Variants in STX7 observed in about 807,000 individuals in gnomAD.
The protein encoded by STX7 is syntaxin 7, also known as syntaxin-7.
In STX7, 34 loss-of-function variants were observed where a neutral mutation model predicts 39.6. The observed-to-expected ratio is 0.86, with a 90% CI of 0.65 to 1.14. The LOEUF is 1.14. Ranked by LOEUF, STX7 falls within the 50% of genes most tolerant of loss-of-function variation. The pLI is 0.00. For missense variants in STX7, 284 were observed against 310.4 expected (o/e 0.92, Z 0.64); for synonymous variants, 119 against 99.1 (o/e 1.20, Z -1.19).
At chr6:132,509,504 T>TAACAC (rs1775793722) in intron 1 of STX7, among the ~76,000 whole-genome samples, 1 of 111,486 alleles carries the variant, frequency 9.0e-6, no homozygotes, top group South Asian at 3.3e-4. Context: ...TAACATAACA[T>TAACAC]AACATAACAT....
intron 3 of STX7, among the ~76,000 whole-genome samples, chr6:132,472,689 T>C (rs1331893847): frequency 6.6e-6 from 1 of 152,220 alleles, no homozygotes; most frequent in African/African-American, 2.4e-5. Flanking sequence ...TGATCCTTTA[T>C]GTTTGAGATA....
At chr6:132,492,399 C>T (rs1775313611) in intron 2 of STX7, among the ~76,000 whole-genome samples, 1 of 152,178 alleles carries the variant, frequency 6.6e-6, no homozygotes, top group Admixed American at 6.5e-5. Flanking sequence ...TAACATATGA[C>T]ATAATTTACT....
chr6:132,473,375 T>A (rs1340349356), intron 3 of STX7, among the ~76,000 whole-genome samples: 1 of 152,146 alleles, frequency 6.6e-6, no homozygotes, highest in Non-Finnish European at 1.5e-5. Flanking sequence ...TATAAAAAGG[T>A]ATAGCATTTG....
chr6:132,493,392 C>A (rs1285294885), intron 2 of STX7, among the ~76,000 whole-genome samples: 1 of 152,162 alleles, frequency 6.6e-6, no homozygotes, highest in Non-Finnish European at 1.5e-5. Context: ...GCTCCCACAA[C>A]TCCCACATGT....
intron 3 of STX7, 73 bp from the exon 4 acceptor site, chr6:132,472,448 T>A: frequency 8.7e-7 from 1 of 1,145,580 alleles, no homozygotes; most frequent in Non-Finnish European, 1.2e-6. Flanking sequence ...GCCTTTTGAA[T>A]CAACACTGAT....
chr6:132,509,473 A>C (rs1273335890), intron 1 of STX7, among the ~76,000 whole-genome samples: 1,552 of 70,238 alleles, frequency 0.022, 79 homozygotes, highest in Admixed American at 0.053. Context: ...ATAACATAAC[A>C]TAACATAACA....
In STX7 at chr6:132,463,277, A is replaced by G. The variant is rs530334052; in HGVS notation, c.693+716T>C. 8.5e-5 allele frequency among the ~76,000 whole-genome samples: 13 copies of G among 152,314 alleles called. No homozygotes were observed. In the East Asian group the frequency reaches 2.3e-3, roughly 27 times the overall value. On this transcript the variant is annotated intron_variant, in intron 9 of 9. Coordinates refer to ENST00000367941, the MANE Select transcript of STX7 (RefSeq NM_003569.3). The stretch of plus-strand genomic sequence containing the variant: ...TAGCAACAAAGGAATGGAGTTTTAA[A>G]AAGGAAATCAAATGCTACATGGTAT...
chr6:132,498,366 T>C (rs911717333), intron 2 of STX7, among the ~76,000 whole-genome samples: 1 of 152,160 alleles, frequency 6.6e-6, no homozygotes. Context: ...AGACTGCAGA[T>C]GGTCTTAAAC....
At chr6:132,480,393 T>C (rs1015704702) in intron 2 of STX7, among the ~76,000 whole-genome samples, 1 of 152,114 alleles carries the variant, frequency 6.6e-6, no homozygotes, top group Admixed American at 6.6e-5. Context: ...AGAAAGAAAC[T>C]TGGATTTGGG....
intron 1 of STX7, among the ~76,000 whole-genome samples, chr6:132,506,654 A>G (rs982375726): frequency 4.6e-5 from 7 of 152,232 alleles, no homozygotes. Flanking sequence ...GTTGGCAAGA[A>G]TGCAGAGAAA....
At chr6:132,473,619 T>C (rs988760876) in intron 3 of STX7, among the ~76,000 whole-genome samples, 2 of 151,520 alleles carry the variant, frequency 1.3e-5, no homozygotes, top group Non-Finnish European at 2.9e-5. Context: ...CCATATTTTA[T>C]CTAGCTATCT....
intron 1 of STX7, among the ~76,000 whole-genome samples, chr6:132,511,323 T>C (rs976330561): frequency 6.6e-6 from 1 of 152,172 alleles, no homozygotes; most frequent in South Asian, 2.1e-4. Context: ...TAGAAGGCTC[T>C]TCCCATGATC....
Position 132,464,052 on chromosome 6 carries a change from T to C in STX7, c.634A>G (p.Asn212Asp). Residue 212 changes from asparagine (N) to aspartate (D), a missense_variant, in exon 9 of 10, where the codon AAT (asparagine) becomes GAT (aspartate). Physicochemically the swap from Asn to Asp is conservative, Grantham distance 23. Transcript: ENST00000367941. Reference protein sequence around the residue: ...VIDSIEANVENAEVHVQQANQ... With the variant: ...VIDSIEANVEDAEVHVQQANQ... Reference sequence around the variant, plus strand: ...GCTTGCTGAACGTGCACCTCTGCATTTTCCACATTGGCTTCTATGCTATCT... The same window carrying C: ...GCTTGCTGAACGTGCACCTCTGCATCTTCCACATTGGCTTCTATGCTATCT... The C allele has an allele frequency of 6.2e-7, 1 of 1,614,114 alleles. No homozygotes were observed.
At chr6:132,481,145 C>T (rs564500761) in intron 2 of STX7, among the ~76,000 whole-genome samples, 4 of 152,168 alleles carry the variant, frequency 2.6e-5, no homozygotes, top group East Asian at 1.9e-4. Flanking sequence ...CAGTGTGTCA[C>T]GCAGGAGCTT....
intron 2 of STX7, among the ~76,000 whole-genome samples, chr6:132,490,965 G>GCAGCACAGCACAGCACAGCACAGCA (rs71545037): frequency 0.014 from 1,798 of 127,550 alleles, 47 homozygotes; most frequent in Middle Eastern, 0.035. Flanking sequence ...GTCCCTCAGT[G>GCAGCACAGCACAGCACAGCACAGCA]CAGCACAGCA....
chr6:132,505,070 G>A (rs1374798340), intron 1 of STX7, among the ~76,000 whole-genome samples: 3 of 152,158 alleles, frequency 2.0e-5, no homozygotes, highest in East Asian at 1.9e-4. Context: ...GCACATCTGC[G>A]ACACAAAAAG....
intron 9 of STX7, 99 bp from the exon 10 acceptor site, chr6:132,460,949 T>A: frequency 9.9e-7 from 1 of 1,010,888 alleles, no homozygotes. Context: ...ATTTCTAGAG[T>A]AAAATCAGTA....
chr6:132,509,609 T>C (rs944206209), intron 1 of STX7, among the ~76,000 whole-genome samples: 1 of 152,158 alleles, frequency 6.6e-6, no homozygotes, highest in African/African-American at 2.4e-5. Flanking sequence ...TGAAGGAATA[T>C]GTTTGGGATA....
intron 2 of STX7, among the ~76,000 whole-genome samples, chr6:132,476,796 T>A (rs1014495983): frequency 2.0e-5 from 3 of 151,956 alleles, no homozygotes; most frequent in East Asian, 1.9e-4. Context: ...GCAATTTTTT[T>A]AAAAAAGGCT....
Sources: gnomAD v4.1 joint callset for allele counts (sites outside exome capture counted in the v4.1 genomes callset) on GRCh38, gnomAD v4.1.1 for gene constraint, MANE v1.5 for transcripts, NCBI Gene and HGNC (gene_info 2026-07-23, HGNC 2026-07-21) for gene names.